TUT7: variants seen among roughly 807,000 people sequenced by gnomAD.
TUT7 encodes terminal uridylyltransferase 7.
Under a neutral mutation model 165.9 loss-of-function variants are expected in TUT7, and 33 were observed. The ratio of observed to expected loss-of-function variants is 0.20; its 90% CI spans 0.15 to 0.27. The LOEUF (loss-of-function observed/expected upper bound fraction) is 0.27, where lower values mean the gene tolerates loss of function less well. Among genes scored for constraint, TUT7 ranks in the 10% least tolerant of loss-of-function variants. The pLI, the probability that TUT7 is intolerant of heterozygous loss-of-function variation, is 1.00. For missense variants in TUT7, 1,338 were observed against 1,762.3 expected (o/e 0.76, Z 4.31); for synonymous variants, 552 against 608.1 (o/e 0.91, Z 1.36).
intron 15 of TUT7, 54 bp downstream of exon 15, chr9:86,319,530 A>G: frequency 7.9e-7 from 1 of 1,267,862 alleles, no homozygotes; most frequent in Non-Finnish European, 1.1e-6. Context: ...ACATGAACTG[A>G]TTTGGAAAAA....
intron 1 of TUT7, among the ~76,000 whole-genome samples, chr9:86,353,881 T>C (rs1832517754): frequency 6.6e-6 from 1 of 152,116 alleles, no homozygotes; most frequent in South Asian, 2.1e-4. Flanking sequence ...CCCAAACAAG[T>C]TTGGTTTTGT....
Position 86,346,438 on chromosome 9 carries a change from G to C in TUT7, c.563C>G (p.Thr188Ser), listed in dbSNP as rs61747122. The change falls in exon 3 of 27, where the codon ACT (threonine) becomes AGT (serine). Residue 188 changes from threonine (T) to serine (S), a missense_variant. This residue lies in a region of TUT7 where 434 missense variants were observed against 480.8 expected (regional missense o/e 0.90). Coordinates refer to ENST00000375963, the MANE Select transcript of TUT7 (RefSeq NM_024617.4). ...ATCCTGCTCATTTTCCTCATTTCTA[G>C]TCTTCCGTGGCTTCCTAGGTCTGGA... is the stretch of plus-strand genomic sequence containing the variant. Reference protein sequence around the residue: ...QRSRPRKPRKTRNEENEQDGD... With the variant: ...QRSRPRKPRKSRNEENEQDGD... The C allele has an allele frequency of 9.2e-5, 148 of 1,613,958 alleles. 1 individual carries two copies. The East Asian group carries it at 3.2e-3, about 35-fold the overall frequency.
rs1260114430 is a variant in TUT7 at position 86,298,750 on chromosome 9, T to G, written c.4420+2526A>C. The G allele has an allele frequency of 3.1e-6, 3 of 981,494 alleles. No homozygotes were observed. In the African/African-American group the frequency reaches 5.2e-5, roughly 17 times the overall value. 60.8% of individuals were successfully genotyped at this position (981,494 alleles called of 1,614,324 possible). A position where few individuals can be genotyped will look rare whatever the true frequency, so the allele number is the denominator to read the frequency against. On this transcript the variant is annotated intron_variant, in intron 26 of 26. Transcript: ENST00000375963. Reference sequence around the variant, plus strand: ...AAATAAAATAACACACATTTGTTTTTTTTAAAACCCACATACCTGACTGGG... The same window carrying G: ...AAATAAAATAACACACATTTGTTTTGTTTAAAACCCACATACCTGACTGGG...
intron 26 of TUT7, among the ~76,000 whole-genome samples, chr9:86,300,746 C>A (rs1455375331): frequency 6.6e-6 from 1 of 152,166 alleles, no homozygotes; most frequent in East Asian, 1.9e-4. Context: ...TGTAGAAAAT[C>A]AAAATGACAA....
At chr9:86,315,745 CTTTT>C (rs769468465) in intron 17 of TUT7, among the ~76,000 whole-genome samples, 1 of 133,788 alleles carries the variant, frequency 7.5e-6, no homozygotes, top group Middle Eastern at 3.4e-3. Context: ...TATCAATGCA[CTTTT>C]TTTCTTTTTT....
At chr9:86,318,933 TG>T (rs1225184631) in intron 16 of TUT7, 24 bp downstream of exon 16, 8 of 1,570,358 alleles carry the variant, frequency 5.1e-6, no homozygotes, top group South Asian at 1.1e-5. Context: ...CCACAGCAAA[TG>T]GAAGTTTTAT....
chr9:86,322,291 T>G, intron 14 of TUT7, 34 bp downstream of exon 14: 3 of 1,588,268 alleles, frequency 1.9e-6, no homozygotes, highest in Non-Finnish European at 2.6e-6. Flanking sequence ...CAATTTAATA[T>G]TTTGACAAAT....
chr9:86,322,279 G>C lies in TUT7; in HGVS notation c.3028+46C>G, dbSNP rs1829379602. On this transcript the variant is annotated intron_variant, in intron 14 of 26. Coordinates refer to ENST00000375963, the MANE Select transcript of TUT7 (RefSeq NM_024617.4). The stretch of plus-strand genomic sequence containing the variant: ...AGTGATTCTAAAGACTCGAGTAAAT[G>C]TCAATTTAATATTTTGACAAATCAA... 8 of 1,566,842 alleles carry C rather than the reference G, an allele frequency of 5.1e-6. No homozygotes were observed. In the Middle Eastern group the frequency reaches 8.5e-4, roughly 166 times the overall value.
intron 24 of TUT7, among the ~76,000 whole-genome samples, chr9:86,304,472 C>G (rs1827263693): frequency 6.6e-6 from 1 of 152,104 alleles, no homozygotes; most frequent in South Asian, 2.1e-4. Flanking sequence ...AGATTTACTA[C>G]TTTTTGCAAG....
chr9:86,334,120 A>G (rs1325036618), intron 10 of TUT7, among the ~76,000 whole-genome samples: 5 of 152,176 alleles, frequency 3.3e-5, no homozygotes, highest in Non-Finnish European at 5.9e-5. Context: ...CTTAGATGAG[A>G]AAGGAAGGCT....
At chr9:86,309,071 G>T in intron 21 of TUT7, 141 bp downstream of exon 21, 2 of 558,994 alleles carry the variant, frequency 3.6e-6, no homozygotes, top group Non-Finnish European at 3.1e-6. Flanking sequence ...ATCAAAGAAA[G>T]CATCTGAAAA....
chr9:86,301,215 TA>T, intron 26 of TUT7, 60 bp downstream of exon 26: 1 of 1,440,316 alleles, frequency 6.9e-7, no homozygotes, highest in Non-Finnish European at 9.5e-7. Flanking sequence ...TAAAGAGCTC[TA>T]AAAAGCAGAT....
intron 26 of TUT7, among the ~76,000 whole-genome samples, chr9:86,296,962 C>G (rs1473937184): frequency 6.6e-6 from 1 of 152,180 alleles, no homozygotes; most frequent in East Asian, 1.9e-4. Context: ...TCGATTTTAA[C>G]CACCTATAAA....
chr9:86,333,085 ATAT>A (rs1229546497), intron 10 of TUT7, among the ~76,000 whole-genome samples: 23 of 152,200 alleles, frequency 1.5e-4, no homozygotes, highest in Admixed American at 3.9e-4. Context: ...TGTAAATATT[ATAT>A]TATTAAAATT....
rs778080084 is a variant in TUT7 at position 86,325,384 on chromosome 9, A to G, written c.1739T>C (p.Leu580Ser). ...CCAATCCTTCAATTCCCGAGATACC[A>G]ATTCTTTGACACGAATACTTATCAC... is the stretch of plus-strand genomic sequence containing the variant. ...DLVISIRVKE[L>S]VSRELKDWPK... The change falls in exon 12 of 27, where the codon TTG (leucine) becomes TCG (serine). Residue 580 changes from leucine (L) to serine (S), a missense_variant. Around this residue, in one of 7 missense-constraint regions of TUT7, gnomAD observed 28 missense variants for 69.4 expected, o/e 0.40. Transcript: ENST00000375963. The G allele has an allele frequency of 6.2e-7, 1 of 1,614,118 alleles. No individual in the cohort carries two copies. Among genetic ancestry groups the G allele is most frequent in the South Asian group, 1.1e-5 (1 of 91,080 alleles).
chr9:86,315,113 A>C (rs184173384), intron 17 of TUT7, among the ~76,000 whole-genome samples: 2 of 152,360 alleles, frequency 1.3e-5, no homozygotes, highest in Admixed American at 6.5e-5. Flanking sequence ...AAAAACATAC[A>C]GATTTTTTTA....
At chr9:86,337,808 A>G (rs1022959865) in intron 9 of TUT7, among the ~76,000 whole-genome samples, 2 of 152,196 alleles carry the variant, frequency 1.3e-5, no homozygotes, top group East Asian at 3.8e-4. Context: ...TTCCTATTTT[A>G]TTTTTTGATA....
intron 17 of TUT7, among the ~76,000 whole-genome samples, chr9:86,313,788 A>G (rs1345051392): frequency 2.6e-5 from 4 of 152,212 alleles, no homozygotes; most frequent in African/African-American, 9.6e-5. Flanking sequence ...GTGAAAGATA[A>G]GCTCATTCTG....
intron 10 of TUT7, among the ~76,000 whole-genome samples, chr9:86,328,946 A>G (rs561227980): frequency 3.9e-5 from 6 of 152,384 alleles, no homozygotes; most frequent in Non-Finnish European, 7.3e-5. Context: ...AGATAGAGGT[A>G]GTATCTGCTT....
Sources: allele counts gnomAD v4.1 joint callset (sites outside exome capture counted in the v4.1 genomes callset), GRCh38; gene constraint gnomAD v4.1.1; regional missense constraint gnomAD v4.1.1; transcripts MANE v1.5; gene names NCBI Gene and HGNC (gene_info 2026-07-23, HGNC 2026-07-21).